Variants in ZC3H12B observed in about 807,000 individuals in gnomAD.
ZC3H12B encodes zinc finger CCCH-type containing 12B, also known as probable ribonuclease ZC3H12B.
In ZC3H12B, 7 loss-of-function variants were observed where a neutral mutation model predicts 43.9. The observed-to-expected ratio is 0.16, with a 90% CI of 0.09 to 0.30. ZC3H12B has a LOEUF of 0.30. Ranked by LOEUF, ZC3H12B falls within the 10% of genes least tolerant of loss-of-function variation. ZC3H12B has a pLI of 1.00. For synonymous variants in ZC3H12B, 222 were observed against 241.7 expected, an observed-to-expected ratio of 0.92 and a Z score of 0.76; for missense variants, 475 against 670.2, an observed-to-expected ratio of 0.71 and a Z score of 3.22.
the ZC3H12B span, among the ~76,000 whole-genome samples, chrX:65,082,533 G>A: frequency 9.0e-6 from 1 of 111,148 alleles, no homozygotes; most frequent in Non-Finnish European, 1.9e-5. Context: ...CAGTTTCCTA[G>A]ACACATACAA....
At chrX:65,058,717 G>A in the ZC3H12B span, among the ~76,000 whole-genome samples, 1 of 111,854 alleles carries the variant, frequency 8.9e-6, no homozygotes, top group Non-Finnish European at 1.9e-5. Context: ...GCTGTGGTGG[G>A]CTCCACCCAG....
the ZC3H12B span, among the ~76,000 whole-genome samples, chrX:65,134,266 G>C: frequency 9.0e-6 from 1 of 110,917 alleles, no homozygotes; most frequent in Non-Finnish European, 1.9e-5. Context: ...CAATTGACTT[G>C]CCACCAAGAG....
the ZC3H12B span, among the ~76,000 whole-genome samples, chrX:65,115,711 A>T: frequency 3.6e-5 from 4 of 111,248 alleles, no homozygotes; most frequent in Non-Finnish European, 7.6e-5. Context: ...CATTGATGCC[A>T]GCATGTATTT....
the ZC3H12B span, among the ~76,000 whole-genome samples, chrX:65,079,846 C>G: frequency 9.0e-6 from 1 of 110,843 alleles, no homozygotes; most frequent in Non-Finnish European, 1.9e-5. Flanking sequence ...CAACACTACC[C>G]AGGAAAACAT....
the ZC3H12B span, among the ~76,000 whole-genome samples, chrX:65,035,193 C>T: frequency 1.8e-5 from 2 of 112,064 alleles, no homozygotes; most frequent in Non-Finnish European, 3.8e-5. Context: ...CCACCCCCTG[C>T]GGCGGGCGGG....
chrX:65,340,575 A>T, the ZC3H12B span, among the ~76,000 whole-genome samples: 1 of 112,176 alleles, frequency 8.9e-6, no homozygotes, highest in African/African-American at 3.2e-5. Context: ...TAGAGCAGGC[A>T]GTTCAGGAGT....
At chrX:65,250,763 T>C in the ZC3H12B span, among the ~76,000 whole-genome samples, 3 of 111,905 alleles carry the variant, frequency 2.7e-5, no homozygotes, top group African/African-American at 9.7e-5. Context: ...TGATATCCTT[T>C]GCCCACTTGT....
At chrX:65,323,204 T>A in the ZC3H12B span, among the ~76,000 whole-genome samples, 7 of 112,279 alleles carry the variant, frequency 6.2e-5, no homozygotes, top group Non-Finnish European at 1.3e-4. Context: ...TGGTGAGAGT[T>A]GGCATCCCTG....
At chrX:65,047,182 A>G in the ZC3H12B span, among the ~76,000 whole-genome samples, 2 of 111,706 alleles carry the variant, frequency 1.8e-5, no homozygotes, top group African/African-American at 6.5e-5. Context: ...GGTTGCCACA[A>G]AACTTCAGTT....
chrX:65,096,289 G>T, the ZC3H12B span, among the ~76,000 whole-genome samples: 1 of 110,858 alleles, frequency 9.0e-6, no homozygotes, highest in African/African-American at 3.3e-5. Flanking sequence ...TAGGTGATGG[G>T]TTAATGATGC....
At chrX:65,175,270 C>T in the ZC3H12B span, among the ~76,000 whole-genome samples, 2 of 111,923 alleles carry the variant, frequency 1.8e-5, no homozygotes, top group African/African-American at 3.2e-5. Context: ...GTAGAAATTA[C>T]CCCCCTCTGC....
chrX:65,266,668 C>T, the ZC3H12B span, among the ~76,000 whole-genome samples: 1 of 111,482 alleles, frequency 9.0e-6, no homozygotes, highest in African/African-American at 3.3e-5. Context: ...AGCTTATGTT[C>T]CTGATGCAAG....
intron 3 of ZC3H12B, among the ~76,000 whole-genome samples, chrX:65,423,198 T>TG (rs1181158891): frequency 2.7e-5 from 3 of 111,457 alleles, no homozygotes; most frequent in Non-Finnish European, 5.6e-5. Flanking sequence ...CCCAAAGTGC[T>TG]GGGATTACAG....
the ZC3H12B span, among the ~76,000 whole-genome samples, chrX:65,225,985 G>C: frequency 8.9e-6 from 1 of 111,743 alleles, no homozygotes; most frequent in Non-Finnish European, 1.9e-5. Flanking sequence ...CCCCAATCTA[G>C]CAAGGAAGGC....
chrX:65,391,691 T>C (rs957410706), intron 2 of ZC3H12B, among the ~76,000 whole-genome samples: 6 of 111,313 alleles, frequency 5.4e-5, no homozygotes, highest in African/African-American at 1.6e-4. Flanking sequence ...TTTCAATTGA[T>C]GCTGAAAAAG....
chrX:65,112,627 C>G, the ZC3H12B span, among the ~76,000 whole-genome samples: 1 of 111,656 alleles, frequency 9.0e-6, no homozygotes, highest in Non-Finnish European at 1.9e-5. Context: ...AGTCTAAGCT[C>G]TATAGATGGA....
At chrX:65,045,971 A>C in the ZC3H12B span, among the ~76,000 whole-genome samples, 28 of 111,760 alleles carry the variant, frequency 2.5e-4, no homozygotes, top group Non-Finnish European at 5.7e-5. Flanking sequence ...GTTAAGAGGA[A>C]TATTTTCTTG....
At chrX:65,468,532 G>A (rs1427683259) in intron 3 of ZC3H12B, among the ~76,000 whole-genome samples, 1 of 100,262 alleles carries the variant, frequency 1.0e-5, no homozygotes, top group African/African-American at 3.6e-5. Context: ...CACGCAGGCT[G>A]GAGTGCAGTG....
intron 3 of ZC3H12B, among the ~76,000 whole-genome samples, chrX:65,417,951 C>T (rs761898543): frequency 1.8e-5 from 2 of 112,529 alleles, no homozygotes; most frequent in Non-Finnish European, 3.8e-5. Context: ...TATTCTCATG[C>T]TATTATCCAT....
Sources: allele counts gnomAD v4.1 joint callset (sites outside exome capture counted in the v4.1 genomes callset), GRCh38; gene constraint gnomAD v4.1.1; transcripts MANE v1.5; gene names NCBI Gene and HGNC (gene_info 2026-07-23, HGNC 2026-07-21).